Variants in IRAG2 observed in about 807,000 individuals in gnomAD.
The protein encoded by IRAG2 is lymphoid restricted membrane protein.
IRAG2 carries 45 observed loss-of-function variants against 69.9 expected under a neutral mutation model. The ratio of observed to expected loss-of-function variants is 0.64; its 90% CI spans 0.51 to 0.83. IRAG2 has a LOEUF of 0.83. Among genes scored for constraint, IRAG2 ranks in the 40% least tolerant of loss-of-function variants. IRAG2 has a pLI of 0.00. For synonymous variants in IRAG2, 193 were observed against 202.4 expected, an observed-to-expected ratio of 0.95 and a Z score of 0.40; for missense variants, 520 against 587.0, an observed-to-expected ratio of 0.89 and a Z score of 1.18.
chr12:25,015,772 C>A (rs1450544796), intron 5 of IRAG2, among the ~76,000 whole-genome samples: 1 of 152,234 alleles, frequency 6.6e-6, no homozygotes, highest in Non-Finnish European at 1.5e-5. Flanking sequence ...TAAAGCACTT[C>A]TTTAGTAGAA....
chr12:25,072,220 A>AAAGAAAAAG (rs1398402599), intron 6 of IRAG2, among the ~76,000 whole-genome samples: 1 of 152,158 alleles, frequency 6.6e-6, no homozygotes, highest in East Asian at 1.9e-4. Context: ...AAAAAAAAAG[A>AAAGAAAAAG]AAGAAAAAGA....
chr12:25,030,812 C>T (rs1944662800), intron 10 of IRAG2, among the ~76,000 whole-genome samples: 1 of 152,216 alleles, frequency 6.6e-6, no homozygotes, highest in African/African-American at 2.4e-5. Flanking sequence ...ATTAGTGTGC[C>T]AATCTACCAG....
At chr12:25,072,819 G>A (rs1023420757) in intron 6 of IRAG2, among the ~76,000 whole-genome samples, 2 of 152,150 alleles carry the variant, frequency 1.3e-5, no homozygotes, top group Non-Finnish European at 2.9e-5. Flanking sequence ...GTGCCTGTAC[G>A]TCAGCCAAAC....
At chr12:25,023,224 C>T (rs1173254936) in intron 7 of IRAG2, among the ~76,000 whole-genome samples, 2 of 151,066 alleles carry the variant, frequency 1.3e-5, no homozygotes, top group South Asian at 4.2e-4. Flanking sequence ...ATTATTGTGT[C>T]AATGAAATCC....
At chr12:25,073,854 G>A (rs1465652189) in intron 6 of IRAG2, among the ~76,000 whole-genome samples, 2 of 152,210 alleles carry the variant, frequency 1.3e-5, no homozygotes, top group Admixed American at 6.5e-5. Flanking sequence ...TCAAAACAAG[G>A]TTTAGAGGGT....
chr12:25,009,095 G>GACCTCA (rs1279550291), intron 2 of IRAG2, among the ~76,000 whole-genome samples: 1 of 152,132 alleles, frequency 6.6e-6, no homozygotes, highest in Non-Finnish European at 1.5e-5. Context: ...TTGAGGCCAG[G>GACCTCA]AGTTCAAGAC....
At chr12:24,999,808 C>T (rs1056759140), upstream of IRAG2, among the ~76,000 whole-genome samples, 1 of 139,218 alleles carries the variant, frequency 7.2e-6, no homozygotes, top group African/African-American at 2.5e-5. Flanking sequence ...TTCAGGTTGT[C>T]AGATTTAGCT....
At position 25,066,260 on chromosome 12, in the gene IRAG2, T is replaced by C. The variant is rs73282895; in HGVS notation, c.-206-105T>C. The stretch of plus-strand genomic sequence containing the variant: ...ATGTTAAAATGTGAATAGAAGCGGG[T>C]TAACTTTCACTTTTTCAGTCTCTCA... On this transcript the variant is annotated intron_variant, in intron 4 of 21. Coordinates refer to ENST00000556887, the MANE Select transcript of IRAG2 (RefSeq NM_001366544.2). The C allele has an allele frequency of 1.5e-3, 604 of 396,212 alleles. 3 individuals carry two copies. The highest frequency in any genetic ancestry group is 0.011 in the African/African-American group (525 of 48,704). The allele number at this position is 396,212 out of a possible 1,614,324, so 24.5% of individuals were successfully genotyped here.
chr12:25,087,534 T>C (rs1179592772), intron 10 of IRAG2, among the ~76,000 whole-genome samples: 1 of 152,184 alleles, frequency 6.6e-6, no homozygotes, highest in African/African-American at 2.4e-5. Flanking sequence ...CTAGTTTGCA[T>C]TGTTGTAATT....
chr12:25,102,140 CT>C, intron 16 of IRAG2, 57 bp from the exon 17 acceptor site: 1 of 1,375,560 alleles, frequency 7.3e-7, no homozygotes, highest in Non-Finnish European at 1.0e-6. Flanking sequence ...TAAGACGTTG[CT>C]TTAACATAAA....
intron 9 of IRAG2, chr12:25,030,189 C>A: frequency 1.2e-6 from 1 of 857,924 alleles, no homozygotes; most frequent in Non-Finnish European, 1.5e-6. Context: ...AAAGGTGCTT[C>A]AGAAACATCT....
intron 13 of IRAG2, among the ~76,000 whole-genome samples, chr12:25,034,150 GTTGAAGGT>G (rs1944688821): frequency 2.6e-5 from 4 of 152,176 alleles, no homozygotes; most frequent in Admixed American, 2.6e-4. Flanking sequence ...CTACAGCAAG[GTTGAAGGT>G]TTGTGGAAGT....
chr12:25,073,235 T>G (rs572080204), intron 6 of IRAG2, among the ~76,000 whole-genome samples: 2 of 152,362 alleles, frequency 1.3e-5, no homozygotes, highest in African/African-American at 4.8e-5. Context: ...TGTAGTTATT[T>G]ATTTTCTTAT....
At chr12:25,100,886 C>T (rs1437171571) in intron 15 of IRAG2, 1 of 209,686 alleles carries the variant, frequency 4.8e-6, no homozygotes, top group East Asian at 1.0e-4. Context: ...CCACCATCAA[C>T]CTTACTGAGG....
chr12:25,103,694 CAA>C (rs1411410629), intron 17 of IRAG2, 141 bp from the exon 18 acceptor site: 2 of 590,722 alleles, frequency 3.4e-6, no homozygotes, highest in Non-Finnish European at 2.9e-6. Flanking sequence ...AATTTGGCCA[CAA>C]GAGGATCCTT....
chr12:25,027,570 AT>A (rs1386954666), intron 9 of IRAG2, among the ~76,000 whole-genome samples: 1 of 151,202 alleles, frequency 6.6e-6, no homozygotes, highest in African/African-American at 2.4e-5. Context: ...AATTTTTTGT[AT>A]TTTTAGTAGA....
intron 10 of IRAG2, among the ~76,000 whole-genome samples, chr12:25,085,283 G>A (rs1947496329): frequency 6.6e-6 from 1 of 152,260 alleles, no homozygotes; most frequent in Non-Finnish European, 1.5e-5. Flanking sequence ...TTACTGAGTG[G>A]TGGAGGTGGC....
upstream of IRAG2, chr12:25,052,471 G>A: frequency 2.5e-6 from 1 of 396,764 alleles, no homozygotes; most frequent in Non-Finnish European, 4.4e-6. Context: ...AAGAGGAACT[G>A]CAAGTTCAGT....
Position 25,063,781 on chromosome 12 carries a change from C to G in IRAG2, c.-242C>G. ...GCAAGAATACATCAGACACCCCTGA[C>G]CTTGAAACATACGTGCTGGTACACA... On this transcript the variant is annotated 5_prime_UTR_variant, in exon 4 of 22. Coordinates refer to ENST00000556887, the MANE Select transcript of IRAG2 (RefSeq NM_001366544.2). 1 of 399,066 alleles carries G rather than the reference C, an allele frequency of 2.5e-6. No individual in the cohort carries two copies. The highest frequency in any genetic ancestry group is 4.4e-6 in the Non-Finnish European group (1 of 226,062). The allele number at this position is 399,066 out of a possible 1,614,324, so 24.7% of individuals were successfully genotyped here. A position where few individuals can be genotyped will look rare whatever the true frequency, so the allele number is the denominator to read the frequency against.
Sources: gnomAD v4.1 joint callset for allele counts (sites outside exome capture counted in the v4.1 genomes callset) on GRCh38, gnomAD v4.1.1 for gene constraint, MANE v1.5 for transcripts, NCBI Gene and HGNC (gene_info 2026-07-23, HGNC 2026-07-21) for gene names.